The following DMD variants were observed in gnomAD, a reference collection of about 807,000 sequenced individuals.
DMD encodes the protein dystrophin.
In DMD, 63 loss-of-function variants were observed where a neutral mutation model predicts 330.1. That is an observed-to-expected ratio of 0.19 (90% CI 0.16 to 0.24). DMD has a LOEUF of 0.24. Ranked by LOEUF, DMD falls within the 10% of genes least tolerant of loss-of-function variation. The pLI is 1.00. For synonymous variants in DMD, 1,223 were observed against 959.8 expected (o/e 1.27, Z -5.07); for missense variants, 3,344 against 2,684.1 (o/e 1.25, Z -5.43).
intron 45 of DMD, among the ~76,000 whole-genome samples, chrX:31,961,360 C>A (rs779442628): frequency 9.0e-6 from 1 of 111,548 alleles, no homozygotes; most frequent in African/African-American, 3.3e-5. Context: ...AGATTTAAAT[C>A]TTCAGTTTAA....
intron 44 of DMD, among the ~76,000 whole-genome samples, chrX:32,148,431 G>C (rs1188029982): frequency 9.0e-6 from 1 of 111,428 alleles, no homozygotes; most frequent in African/African-American, 3.3e-5. Context: ...TTGTTAGTTA[G>C]TAGGGTCTTA....
At chrX:32,074,673 G>A (rs1379556918) in intron 44 of DMD, among the ~76,000 whole-genome samples, 1 of 108,469 alleles carries the variant, frequency 9.2e-6, no homozygotes, top group Non-Finnish European at 1.9e-5. Context: ...GAGTAATTGC[G>A]ACAAAGACGA....
intron 2 of DMD, among the ~76,000 whole-genome samples, chrX:32,930,243 G>C (rs1234662332): frequency 9.0e-6 from 1 of 111,059 alleles, no homozygotes; most frequent in East Asian, 2.8e-4. Flanking sequence ...GGTCCTCAAA[G>C]TATGGTTTCC....
At chrX:31,912,547 T>G (rs777245804) in intron 47 of DMD, among the ~76,000 whole-genome samples, 3 of 112,194 alleles carry the variant, frequency 2.7e-5, no homozygotes, top group Non-Finnish European at 5.6e-5. Context: ...TTATTTCTTC[T>G]TGGCAAAAAT....
chrX:32,407,271 A>G (rs2098121713), intron 30 of DMD, among the ~76,000 whole-genome samples: 1 of 111,651 alleles, frequency 9.0e-6, no homozygotes, highest in South Asian at 3.8e-4. Context: ...ACTCAAACAA[A>G]TGTACAAGAA....
chrX:32,941,511 G>A (rs1442696557), intron 2 of DMD, among the ~76,000 whole-genome samples: 2 of 111,347 alleles, frequency 1.8e-5, no homozygotes, highest in Admixed American at 1.9e-4. Context: ...CACAGATGCA[G>A]CTGTGATGGA....
chrX:31,251,164 CTTTT>C (rs375001363), intron 63 of DMD, among the ~76,000 whole-genome samples: 1 of 101,948 alleles, frequency 9.8e-6, no homozygotes, highest in Non-Finnish European at 2.0e-5. Context: ...GTGATAGCTT[CTTTT>C]TTTTTTTTTC....
At chrX:32,656,480 G>A (rs2060581110) in intron 9 of DMD, among the ~76,000 whole-genome samples, 1 of 111,978 alleles carries the variant, frequency 8.9e-6, no homozygotes, top group South Asian at 3.7e-4. Flanking sequence ...TTAGTGCCAC[G>A]AAACCTACAG....
intron 13 of DMD, among the ~76,000 whole-genome samples, chrX:32,594,720 G>C (rs2055326437): frequency 9.0e-6 from 1 of 111,097 alleles, no homozygotes; most frequent in Admixed American, 9.7e-5. Flanking sequence ...TCCTCCTTCT[G>C]TACCATCTTC....
intron 30 of DMD, among the ~76,000 whole-genome samples, chrX:32,396,242 A>G (rs1437839433): frequency 2.7e-5 from 3 of 111,523 alleles, no homozygotes; most frequent in Non-Finnish European, 5.7e-5. Flanking sequence ...TGAAATATAC[A>G]TATTTCCATT....
At chrX:31,689,605 AT>A (rs1380713878) in intron 52 of DMD, among the ~76,000 whole-genome samples, 1 of 111,644 alleles carries the variant, frequency 9.0e-6, no homozygotes, top group Admixed American at 9.5e-5. Flanking sequence ...TCTTCACAGA[AT>A]TGGAAAAAAC....
chrX:31,336,941 T>C (rs1242705787), intron 61 of DMD, among the ~76,000 whole-genome samples: 1 of 98,950 alleles, frequency 1.0e-5, no homozygotes, highest in Non-Finnish European at 2.0e-5. Flanking sequence ...TTTTTTTTTT[T>C]GAGATGGAGT....
At chrX:32,004,483 A>AGAT (rs1406130043) in intron 44 of DMD, among the ~76,000 whole-genome samples, 1 of 111,789 alleles carries the variant, frequency 8.9e-6, no homozygotes, top group Non-Finnish European at 1.9e-5. Context: ...TTTTATCCAC[A>AGAT]GATATGTGGT....
chrX:31,890,378 G>A (rs781545479), intron 47 of DMD, among the ~76,000 whole-genome samples: 1 of 106,741 alleles, frequency 9.4e-6, no homozygotes, highest in Admixed American at 1.0e-4. Context: ...AAAAGAAGAA[G>A]AAAGAAAGAA....
At chrX:32,765,516 T>C (rs1306186351) in intron 7 of DMD, among the ~76,000 whole-genome samples, 3 of 111,379 alleles carry the variant, frequency 2.7e-5, no homozygotes, top group Non-Finnish European at 3.8e-5. Context: ...TTAAACCTCT[T>C]TTCTTTATAA....
At position 31,627,861 on chromosome X, in the gene DMD, C is replaced by T; in HGVS notation, c.8029G>A (p.Val2677Met). 8.3e-7 allele frequency: 1 copy of T among 1,205,822 alleles called. No individual in the cohort carries two copies. Among genetic ancestry groups the T allele is most frequent in the South Asian group, 1.8e-5 (1 of 56,055 alleles). ...NASWRSIHKR[V>M]SEREAALEET... ...TCCAAAGCAGCCTCTCGCTCACTCA[C>T]CCTGCAAAGGACCAAATGTTCAGAT... Residue 2677 changes from valine (V) to methionine (M), a missense_variant and splice_region_variant, in exon 55 of 79, where the codon GTG becomes ATG. By Grantham distance (21) the Val-to-Met change is conservative. Coordinates refer to ENST00000357033, the MANE Select transcript of DMD (RefSeq NM_004006.3).
At chrX:32,166,568 C>T (rs1814123466) in intron 44 of DMD, among the ~76,000 whole-genome samples, 1 of 112,082 alleles carries the variant, frequency 8.9e-6, no homozygotes, top group South Asian at 3.7e-4. Context: ...TGAAATACCA[C>T]ATATTTATTT....
chrX:32,643,814 C>T (rs1220669195), intron 11 of DMD, among the ~76,000 whole-genome samples: 1 of 111,677 alleles, frequency 9.0e-6, no homozygotes, highest in African/African-American at 3.2e-5. Context: ...ATCTCCTGTG[C>T]ATGCTTCTGT....
At chrX:33,048,461 GGGTGGATCACCTGA>G (rs2094412573) in intron 1 of DMD, among the ~76,000 whole-genome samples, 1 of 109,795 alleles carries the variant, frequency 9.1e-6, no homozygotes, top group Non-Finnish European at 1.9e-5. Context: ...AGGCCGAGGC[GGGTGGATCACCTGA>G]GGTCAGGAGT....
Sources: gnomAD v4.1 joint callset for allele counts (sites outside exome capture counted in the v4.1 genomes callset) on GRCh38, gnomAD v4.1.1 for gene constraint, MANE v1.5 for transcripts, NCBI Gene and HGNC (gene_info 2026-07-23, HGNC 2026-07-21) for gene names.